CABCOCO1: variants seen among roughly 807,000 people sequenced by gnomAD.
CABCOCO1 encodes ciliary associated calcium binding coiled-coil 1.
CABCOCO1 carries 28 observed loss-of-function variants against 35.7 expected under a neutral mutation model. The ratio of observed to expected loss-of-function variants is 0.78; its 90% CI spans 0.58 to 1.07. The LOEUF (loss-of-function observed/expected upper bound fraction) is 1.07, where lower values mean the gene tolerates loss of function less well. CABCOCO1 is among the 50% of genes least tolerant of loss of function. The pLI, the probability that CABCOCO1 is intolerant of heterozygous loss-of-function variation, is 0.00. For synonymous variants in CABCOCO1, 95 were observed against 100.1 expected (o/e 0.95, Z 0.30); for missense variants, 326 against 309.2 (o/e 1.05, Z -0.41).
chr10:61,690,915 A>G (rs1047577407), intron 5 of CABCOCO1, among the ~76,000 whole-genome samples: 5 of 152,104 alleles, frequency 3.3e-5, no homozygotes, highest in African/African-American at 1.2e-4. Context: ...ATAAAATCAG[A>G]AAAAAACAAC....
At chr10:61,753,113 T>G (rs1174510044) in intron 5 of CABCOCO1, among the ~76,000 whole-genome samples, 1 of 152,158 alleles carries the variant, frequency 6.6e-6, no homozygotes, top group Non-Finnish European at 1.5e-5. Context: ...TTCTCTAATA[T>G]GAGAGTCATG....
chr10:61,749,610 T>G (rs1841736914), intron 5 of CABCOCO1, among the ~76,000 whole-genome samples: 1 of 152,228 alleles, frequency 6.6e-6, no homozygotes, highest in Admixed American at 6.5e-5. Context: ...TTCACAACTC[T>G]AGTATACACA....
At chr10:61,713,916 ATT>A (rs1398891128) in intron 5 of CABCOCO1, among the ~76,000 whole-genome samples, 2 of 152,124 alleles carry the variant, frequency 1.3e-5, no homozygotes, top group African/African-American at 4.8e-5. Flanking sequence ...GTTTGCCAGT[ATT>A]TTATTGAGGA....
intron 5 of CABCOCO1, among the ~76,000 whole-genome samples, chr10:61,757,980 T>C (rs1439822420): frequency 6.6e-6 from 1 of 152,070 alleles, no homozygotes; most frequent in Non-Finnish European, 1.5e-5. Flanking sequence ...CAGGAAGGCC[T>C]AGCCTGTGTA....
chr10:61,725,832 G>A (rs2132047251), intron 5 of CABCOCO1, among the ~76,000 whole-genome samples: 1 of 152,164 alleles, frequency 6.6e-6, no homozygotes, highest in South Asian at 2.1e-4. Flanking sequence ...ACAATGTCGA[G>A]TGGATGAAGT....
chr10:61,674,380 C>T (rs1468058706), intron 2 of CABCOCO1, among the ~76,000 whole-genome samples: 1 of 152,126 alleles, frequency 6.6e-6, no homozygotes, highest in Non-Finnish European at 1.5e-5. Context: ...ATGTAGAAAT[C>T]ACCTGAAGTG....
rs1841366627 is a variant in CABCOCO1 at position 61,734,260 on chromosome 10, T to C, written c.553-25799T>C. Among the ~76,000 whole-genome samples, 3 of 152,230 alleles carry C rather than the reference T, an allele frequency of 2.0e-5. No homozygotes were observed. In the South Asian group the frequency reaches 6.2e-4, roughly 32 times the overall value. On this transcript the variant is annotated intron_variant, in intron 5 of 7. Transcript: ENST00000648843. The stretch of plus-strand genomic sequence containing the variant: ...GCCCTGAGACTTCTTTACACAGTTG[T>C]CATTTGTACACCTTTAAAATTAAGT...
chr10:61,680,496 A>G (rs1211226926), intron 2 of CABCOCO1, among the ~76,000 whole-genome samples: 13 of 137,728 alleles, frequency 9.4e-5, no homozygotes, highest in African/African-American at 3.2e-4. Flanking sequence ...AACATATTAT[A>G]TGTTATATTA....
At chr10:61,717,406 T>G (rs998008068) in intron 5 of CABCOCO1, among the ~76,000 whole-genome samples, 5 of 152,148 alleles carry the variant, frequency 3.3e-5, no homozygotes, top group Non-Finnish European at 7.4e-5. Flanking sequence ...TTAAATTACC[T>G]TCATTTTTAA....
At chr10:61,665,415 CTT>C (rs1314435707) in intron 1 of CABCOCO1, among the ~76,000 whole-genome samples, 1 of 152,140 alleles carries the variant, frequency 6.6e-6, no homozygotes, top group Non-Finnish European at 1.5e-5. Flanking sequence ...TAAAACTAAA[CTT>C]TTGGCAGATA....
At chr10:61,691,651 A>C (rs1250140564) in intron 5 of CABCOCO1, among the ~76,000 whole-genome samples, 1 of 147,738 alleles carries the variant, frequency 6.8e-6, no homozygotes, top group Non-Finnish European at 1.5e-5. Flanking sequence ...CTTGCCCCCC[A>C]CTCCCCAACA....
intron 5 of CABCOCO1, among the ~76,000 whole-genome samples, chr10:61,739,358 A>G (rs1841494002): frequency 6.6e-6 from 1 of 152,218 alleles, no homozygotes; most frequent in Non-Finnish European, 1.5e-5. Context: ...AATTGAAAGT[A>G]TTTACTAGAT....
intron 5 of CABCOCO1, among the ~76,000 whole-genome samples, chr10:61,721,743 T>G (rs1240948397): frequency 6.6e-6 from 1 of 152,144 alleles, no homozygotes; most frequent in Admixed American, 6.5e-5. Flanking sequence ...AGCAGAAGAC[T>G]GAGGAGTGAT....
chr10:61,760,870 A>T lies in CABCOCO1; in HGVS notation c.683A>T (p.Asp228Val), dbSNP rs1841994689. The T allele has an allele frequency of 6.2e-7, 1 of 1,611,686 alleles. No homozygotes were observed. Among genetic ancestry groups the T allele is most frequent in the Non-Finnish European group, 8.5e-7 (1 of 1,178,772 alleles). The change falls in exon 7 of 8, where the codon GAT (aspartate) becomes GTT (valine). Residue 228 changes from aspartate to valine, a missense_variant. Asp to Val is a radical substitution (Grantham distance 152). Transcript: ENST00000648843. The stretch of plus-strand genomic sequence containing the variant: ...TTACTTTCAATATTCTAGAGGTTGG[A>T]TCAAGAACAAGGCCCTGAGGAGTCT... ...TILDTEMKRLDQEQGPEESQP... is the reference protein window; with the variant it reads ...TILDTEMKRLVQEQGPEESQP...
intron 1 of CABCOCO1, 21 bp from the exon 2 acceptor site, chr10:61,672,611 C>A: frequency 1.5e-6 from 1 of 672,260 alleles, no homozygotes; most frequent in Non-Finnish European, 1.8e-6. Flanking sequence ...AAGTAACTCA[C>A]TCCACATTGT....
At position 61,753,184 on chromosome 10, in the gene CABCOCO1, A is replaced by T. The variant is rs540490897; in HGVS notation, c.553-6875A>T. On this transcript the variant is annotated intron_variant, in intron 5 of 7. Transcript: ENST00000648843. Reference sequence around the variant, plus strand: ...GTAATGAAAATGCAATGTCCATAAAATAAAATTTTTAAATATTAAACACCT... The same window carrying T: ...GTAATGAAAATGCAATGTCCATAAATTAAAATTTTTAAATATTAAACACCT... 3.9e-5 allele frequency among the ~76,000 whole-genome samples: 6 copies of T among 152,270 alleles called. No individual in the cohort carries two copies. The South Asian group carries it at 1.2e-3, about 32-fold the overall frequency.
At chr10:61,723,895 G>T (rs933469842) in intron 5 of CABCOCO1, among the ~76,000 whole-genome samples, 2 of 152,152 alleles carry the variant, frequency 1.3e-5, no homozygotes, top group African/African-American at 4.8e-5. Flanking sequence ...GTAAAATTAT[G>T]ATGACTTTTA....
intron 5 of CABCOCO1, among the ~76,000 whole-genome samples, chr10:61,752,844 CAG>C (rs1841819294): frequency 1.3e-5 from 2 of 152,162 alleles, no homozygotes; most frequent in African/African-American, 4.8e-5. Context: ...CCCCCACTTT[CAG>C]TTGTGGACTT....
intron 5 of CABCOCO1, among the ~76,000 whole-genome samples, chr10:61,739,645 G>A (rs1712062008): frequency 6.6e-6 from 1 of 152,074 alleles, no homozygotes; most frequent in African/African-American, 2.4e-5. Context: ...GTAATGGAAA[G>A]GAATGGACTT....
Sources: allele counts gnomAD v4.1 joint callset (sites outside exome capture counted in the v4.1 genomes callset), GRCh38; gene constraint gnomAD v4.1.1; transcripts MANE v1.5; gene names NCBI Gene and HGNC (gene_info 2026-07-23, HGNC 2026-07-21).